RIMS2: variants seen among roughly 807,000 people sequenced by gnomAD.
RIMS2 encodes the protein regulating synaptic membrane exocytosis protein 2.
RIMS2 carries 59 observed loss-of-function variants against 174.4 expected under a neutral mutation model. The ratio of observed to expected loss-of-function variants is 0.34; its 90% CI spans 0.27 to 0.42. The LOEUF is 0.42. RIMS2 is among the 10% of genes least tolerant of loss of function. The pLI is 1.00. For synonymous variants in RIMS2, 606 were observed against 572.5 expected, an observed-to-expected ratio of 1.06 and a Z score of -0.84; for missense variants, 1,620 against 1,666.3, an observed-to-expected ratio of 0.97 and a Z score of 0.48.
intron 1 of RIMS2, among the ~76,000 whole-genome samples, chr8:103,603,687 AT>A (rs1295398531): frequency 7.0e-6 from 1 of 143,078 alleles, no homozygotes; most frequent in Non-Finnish European, 1.5e-5. Context: ...AATGATTGCC[AT>A]TCTAACTGGT....
chr8:103,572,633 T>A (rs998173394), intron 1 of RIMS2, among the ~76,000 whole-genome samples: 2 of 152,170 alleles, frequency 1.3e-5, no homozygotes, highest in African/African-American at 4.8e-5. Flanking sequence ...TGTGGTTTTA[T>A]TTGCGTTTCT....
In RIMS2 at chr8:103,968,248, G is replaced by A. The variant is rs1194799485; in HGVS notation, c.2771-7102G>A. On this transcript the variant is annotated intron_variant, in intron 15 of 23. Coordinates refer to ENST00000504942, the Ensembl canonical transcript of RIMS2. ...TATATGATTGTTTCCATTTAAAGTG[G>A]GTTTCTTATACAGTTGAGCCTCATT... 2.0e-5 allele frequency among the ~76,000 whole-genome samples: 3 copies of A among 152,028 alleles called. No homozygotes were observed. In the East Asian group the frequency reaches 5.8e-4, roughly 29 times the overall value.
At chr8:103,562,148 T>G (rs2091688168) in intron 1 of RIMS2, among the ~76,000 whole-genome samples, 1 of 152,232 alleles carries the variant, frequency 6.6e-6, no homozygotes, top group Admixed American at 6.5e-5. Flanking sequence ...CCAAATCTTA[T>G]GTCTTCACAT....
chr8:103,670,442 A>C (rs887038133), intron 1 of RIMS2, among the ~76,000 whole-genome samples: 8 of 152,216 alleles, frequency 5.3e-5, no homozygotes, highest in Non-Finnish European at 4.4e-5. Flanking sequence ...GAATTTCTTC[A>C]TAGAAAATGG....
intron 1 of RIMS2, among the ~76,000 whole-genome samples, chr8:103,686,757 A>G (rs1160721689): frequency 6.6e-6 from 1 of 151,946 alleles, no homozygotes; most frequent in South Asian, 2.1e-4. Flanking sequence ...AATTTCTTCC[A>G]GTATCTTTGT....
intron 1 of RIMS2, chr8:103,568,871 A>C (rs1249255139): frequency 8.7e-7 from 1 of 1,154,712 alleles, no homozygotes; most frequent in Non-Finnish European, 1.3e-6. Flanking sequence ...TTGCTGTCTG[A>C]ATATTATTAA....
exon 1 of RIMS2, chr8:103,500,985 G>C: frequency 1.2e-6 from 2 of 1,611,232 alleles, no homozygotes; most frequent in Non-Finnish European, 1.7e-6. Context: ...GCCACCTCAC[G>C]GAGGAGGAGA....
rs139214326 is a variant in RIMS2, at chr8:103,739,296, G to T, written c.388-26931G>T. The stretch of plus-strand genomic sequence containing the variant: ...TCGCAAGGACAAAAACCCAAACACC[G>T]CATGTTCTCACTCATAGATGGGAAT... On this transcript the variant is annotated intron_variant, in intron 2 of 23. Transcript: ENST00000504942. Among the ~76,000 whole-genome samples the T allele has an allele frequency of 4.2e-3, 645 of 152,204 alleles. 4 individuals carry two copies. The highest frequency in any genetic ancestry group is 0.015 in the African/African-American group (614 of 41,522).
chr8:103,625,655 T>G (rs1388834357), intron 1 of RIMS2, among the ~76,000 whole-genome samples: 1 of 152,024 alleles, frequency 6.6e-6, no homozygotes, highest in Non-Finnish European at 1.5e-5. Context: ...ATCACAGTGA[T>G]AAAGGGTACA....
intron 19 of RIMS2, among the ~76,000 whole-genome samples, chr8:104,185,796 A>G (rs1418673748): frequency 2.6e-5 from 4 of 151,678 alleles, no homozygotes; most frequent in Non-Finnish European, 5.9e-5. Flanking sequence ...GTAAATTGGT[A>G]AAATCACTAT....
intron 19 of RIMS2, among the ~76,000 whole-genome samples, chr8:104,120,105 A>G (rs2098348725): frequency 1.3e-5 from 2 of 152,118 alleles, no homozygotes; most frequent in South Asian, 4.1e-4. Context: ...AAGTATTTTC[A>G]TTTCTTCAGG....
chr8:103,809,357 A>G (rs78166358), intron 3 of RIMS2, among the ~76,000 whole-genome samples: 1,538 of 151,894 alleles, frequency 0.01, 30 homozygotes, highest in African/African-American at 0.035. Context: ...AACATTTCTA[A>G]TCTGAATTCT....
At chr8:104,061,472 G>A (rs1218641738) in intron 19 of RIMS2, among the ~76,000 whole-genome samples, 1 of 151,798 alleles carries the variant, frequency 6.6e-6, no homozygotes. Flanking sequence ...ATGCAGTTGT[G>A]TAAAATTTAT....
chr8:104,013,321 A>G lies in RIMS2; in HGVS notation c.3045-121A>G, dbSNP rs567739753. On this transcript the variant is annotated intron_variant, in intron 17 of 23. Transcript: ENST00000504942. ...CTCAGAATATGTTGGGGAAAAGAAA[A>G]ATTTTTACATACTCCATAATTTTAA... The G allele has an allele frequency of 7.5e-5, 62 of 828,990 alleles. No homozygotes were observed. The South Asian group carries it at 1.3e-3, about 18-fold the overall frequency. The allele number at this position is 828,990 out of a possible 1,614,324, so 51.4% of individuals were successfully genotyped here. A position where few individuals can be genotyped will look rare whatever the true frequency, so the allele number is the denominator to read the frequency against.
At chr8:103,608,320 G>A (rs2095222679) in intron 1 of RIMS2, among the ~76,000 whole-genome samples, 2 of 143,500 alleles carry the variant, frequency 1.4e-5, no homozygotes, top group South Asian at 4.3e-4. Flanking sequence ...CGGGGGTCAG[G>A]GACCCACTTG....
intron 1 of RIMS2, among the ~76,000 whole-genome samples, chr8:103,655,394 G>A (rs1044231559): frequency 6.6e-6 from 1 of 152,076 alleles, no homozygotes; most frequent in South Asian, 2.1e-4. Context: ...TAGGAAAAAT[G>A]ATAAATGCCT....
At chr8:103,577,594 A>G (rs1029380420) in intron 1 of RIMS2, among the ~76,000 whole-genome samples, 4 of 152,242 alleles carry the variant, frequency 2.6e-5, no homozygotes, top group African/African-American at 9.6e-5. Flanking sequence ...CATGTATCCC[A>G]GAACTTAAAG....
Position 103,726,715 on chromosome 8 carries a change from T to A in RIMS2, c.387+29419T>A, listed in dbSNP as rs867868655. Among the ~76,000 whole-genome samples, 85 of 147,800 alleles carry A rather than the reference T, an allele frequency of 5.8e-4. 1 individual carries two copies. Among genetic ancestry groups the A allele is most frequent in the Middle Eastern group, 3.6e-3 (1 of 278 alleles). On this transcript the variant is annotated intron_variant, in intron 2 of 23. Coordinates refer to ENST00000504942, the Ensembl canonical transcript of RIMS2. The stretch of plus-strand genomic sequence containing the variant: ...TTATTTATATTAATTATATATATAT[T>A]TTATTTATATTAATTATATATATAT...
chr8:104,064,005 A>C (rs764048680), intron 19 of RIMS2, among the ~76,000 whole-genome samples: 1 of 152,210 alleles, frequency 6.6e-6, no homozygotes, highest in South Asian at 2.1e-4. Context: ...ACATGCGTGT[A>C]GTAAAACCTA....
Sources: allele counts gnomAD v4.1 joint callset (sites outside exome capture counted in the v4.1 genomes callset), GRCh38; gene constraint gnomAD v4.1.1; transcripts MANE v1.5; gene names NCBI Gene and HGNC (gene_info 2026-07-23, HGNC 2026-07-21).